Variants in CIROZ observed in about 807,000 individuals in gnomAD.
CIROZ encodes ciliated left-right organizer ZP-N domains-containing protein.
At chr1:10,948,946 C>G in the CIROZ span, 2 of 1,184,716 alleles carry the variant, frequency 1.7e-6, no homozygotes, top group African/African-American at 1.5e-5. Context: ...TTCGAGGGAC[C>G]GGGTGCGGTG....
At chr1:10,955,240 G>A in the CIROZ span, 1 of 1,503,626 alleles carries the variant, frequency 6.7e-7, no homozygotes, top group Non-Finnish European at 9.0e-7. Flanking sequence ...CAGGCTCGTG[G>A]ACAAATTAAG....
At chr1:10,973,498 G>A in the CIROZ span, among the ~76,000 whole-genome samples, 1 of 152,212 alleles carries the variant, frequency 6.6e-6, no homozygotes, top group Non-Finnish European at 1.5e-5. Context: ...CTCTTCTCAG[G>A]TCTGCATACT....
the CIROZ span, among the ~76,000 whole-genome samples, chr1:10,960,534 C>T: frequency 6.6e-6 from 1 of 152,262 alleles, no homozygotes; most frequent in Non-Finnish European, 1.5e-5. This position sits in a 1 kb window ranked among gnomAD's most constrained non-coding sequence, Gnocchi z 4.6. Flanking sequence ...GCTCGGGCAG[C>T]CTTCACTGGG....
At chr1:10,976,134 C>A in the CIROZ span, 5 of 1,530,578 alleles carry the variant, frequency 3.3e-6, no homozygotes, top group South Asian at 4.8e-5. Flanking sequence ...TGATGCCAAC[C>A]ATAAAAGTGT....
the CIROZ span, chr1:10,949,642 A>C: frequency 1.2e-6 from 2 of 1,605,442 alleles, no homozygotes; most frequent in South Asian, 1.1e-5. Context: ...GTGCGTCGGA[A>C]GGCCGGTGCA....
chr1:10,971,148 CAA>C, the CIROZ span, among the ~76,000 whole-genome samples: 296 of 104,948 alleles, frequency 2.8e-3, 1 homozygote, highest in African/African-American at 0.016. Context: ...GACTCCACCT[CAA>C]AAAAAAAAAA....
the CIROZ span, among the ~76,000 whole-genome samples, chr1:10,952,549 G>A: frequency 6.6e-6 from 1 of 152,048 alleles, no homozygotes. Flanking sequence ...TTTCTGTTTT[G>A]AGACGAGTCT....
chr1:10,951,499 T>C, the CIROZ span, among the ~76,000 whole-genome samples: 1 of 150,484 alleles, frequency 6.6e-6, no homozygotes, highest in South Asian at 2.1e-4. Context: ...TGAGCCAAGA[T>C]TGCGTCATTG....
chr1:10,961,669 C>T, the CIROZ span, among the ~76,000 whole-genome samples: 1 of 152,162 alleles, frequency 6.6e-6, no homozygotes, highest in Non-Finnish European at 1.5e-5. Context: ...TGGGGCCAGG[C>T]GCGGCAGCTC....
the CIROZ span, chr1:10,958,834 C>A: frequency 1.4e-6 from 2 of 1,421,400 alleles, no homozygotes; most frequent in Non-Finnish European, 2.0e-6. Flanking sequence ...CCCATCAGCA[C>A]CGGCAATTAC....
chr1:10,964,764 G>A, the CIROZ span, among the ~76,000 whole-genome samples: 1 of 152,144 alleles, frequency 6.6e-6, no homozygotes, highest in Non-Finnish European at 1.5e-5. Context: ...CCAAGTAGCT[G>A]GAATTACAGG....
chr1:10,955,287 C>T, the CIROZ span: 26 of 1,090,198 alleles, frequency 2.4e-5, no homozygotes, highest in South Asian at 8.7e-5. Flanking sequence ...CACCTGTGGC[C>T]GGCACAGCAC....
chr1:10,954,888 T>G, the CIROZ span: 5 of 1,283,540 alleles, frequency 3.9e-6, no homozygotes, highest in Non-Finnish European at 4.3e-6. Flanking sequence ...CCACTGTGAC[T>G]GGCCTACCTT....
the CIROZ span, among the ~76,000 whole-genome samples, chr1:10,970,931 G>C: frequency 6.7e-6 from 1 of 149,760 alleles, no homozygotes; most frequent in Non-Finnish European, 1.5e-5. Flanking sequence ...GATTGCTTAA[G>C]CTCAGAAGTT....
At chr1:10,978,748 G>C in the CIROZ span, among the ~76,000 whole-genome samples, 2 of 152,052 alleles carry the variant, frequency 1.3e-5, no homozygotes, top group Non-Finnish European at 2.9e-5. Context: ...ACCTGGGGAA[G>C]GGCATTCCTC....
At chr1:10,950,101 T>C in the CIROZ span, among the ~76,000 whole-genome samples, 1 of 145,570 alleles carries the variant, frequency 6.9e-6, no homozygotes, top group Non-Finnish European at 1.5e-5. Flanking sequence ...TGGTACAGTC[T>C]CAGCTCACTG....
the CIROZ span, among the ~76,000 whole-genome samples, chr1:10,962,167 C>T: frequency 1.9e-3 from 294 of 152,096 alleles, 1 homozygote; most frequent in African/African-American, 6.7e-3. Flanking sequence ...GTGACTTGAC[C>T]GGGCGTGGTG....
chr1:10,957,793 G>A, the CIROZ span: 1 of 1,593,378 alleles, frequency 6.3e-7, no homozygotes, highest in Non-Finnish European at 8.6e-7. Context: ...TGTGGCCAGG[G>A]AGGCACGGTC....
the CIROZ span, chr1:10,947,538 CG>C: frequency 7.4e-6 from 6 of 814,774 alleles, no homozygotes; most frequent in Admixed American, 2.0e-4. Flanking sequence ...AGAAGAGCAC[CG>C]GGGCTTCCCT....
Sources: allele counts gnomAD v4.1 joint callset (sites outside exome capture counted in the v4.1 genomes callset), GRCh38; gene constraint gnomAD v4.1.1; non-coding constraint Gnocchi (gnomAD v3.1); transcripts MANE v1.5; gene names NCBI Gene and HGNC (gene_info 2026-07-23, HGNC 2026-07-21).